DLG2: variants seen among roughly 807,000 people sequenced by gnomAD.
DLG2 encodes the protein disks large homolog 2.
Under a neutral mutation model 132.5 loss-of-function variants are expected in DLG2, and 45 were observed. The ratio of observed to expected loss-of-function variants is 0.34; its 90% confidence interval spans 0.27 to 0.44. The LOEUF (loss-of-function observed/expected upper bound fraction) is 0.44. Ranked by LOEUF, DLG2 falls within the 20% of genes least tolerant of loss-of-function variation. The pLI is 1.00. For missense variants in DLG2, 1,045 were observed against 1,196.9 expected (o/e 0.87, Z 1.87); for synonymous variants, 424 against 419.6 (o/e 1.01, Z -0.13).
chr11:85,606,770 T>C (rs1307384372), intron 2 of DLG2, among the ~76,000 whole-genome samples: 1 of 152,062 alleles, frequency 6.6e-6, no homozygotes. Context: ...AGCGAGACCA[T>C]AAACCCACCA....
intron 3 of DLG2, among the ~76,000 whole-genome samples, chr11:85,369,506 G>C (rs895102913): frequency 6.6e-6 from 1 of 151,778 alleles, no homozygotes; most frequent in Non-Finnish European, 1.5e-5. Flanking sequence ...TACTAGACCA[G>C]GCAACCCAAC....
At chr11:84,787,073 G>GA (rs745347654) in intron 6 of DLG2, among the ~76,000 whole-genome samples, 3 of 152,154 alleles carry the variant, frequency 2.0e-5, no homozygotes, top group Non-Finnish European at 4.4e-5. Flanking sequence ...CAACACAGGA[G>GA]AAACAATGAC....
chr11:85,392,979 A>G (rs527820702), intron 3 of DLG2, among the ~76,000 whole-genome samples: 1 of 152,326 alleles, frequency 6.6e-6, no homozygotes, highest in Non-Finnish European at 1.5e-5. Context: ...AGTAGATGGG[A>G]CTTAATTAAA....
At chr11:85,164,871 C>G (rs1296360214) in intron 4 of DLG2, among the ~76,000 whole-genome samples, 1 of 152,146 alleles carries the variant, frequency 6.6e-6, no homozygotes, top group Admixed American at 6.6e-5. Context: ...ATACTAAACT[C>G]CTGAGCCACT....
chr11:84,973,444 G>A lies in DLG2; in HGVS notation c.357+138217C>T, dbSNP rs561182612. 8.5e-5 allele frequency among the ~76,000 whole-genome samples: 13 copies of A among 152,160 alleles called. No individual in the cohort carries two copies. In the Middle Eastern group the frequency reaches 0.01, roughly 119 times the overall value. ...TGGAGCCCTGGCCAGCAGGTATTTC[G>A]TTGTCCAGATGCACTCATGTCTGTC... On this transcript the variant is annotated intron_variant, in intron 6 of 27. Transcript: ENST00000376104.
chr11:84,549,609 C>CA (rs776151449), intron 6 of DLG2, among the ~76,000 whole-genome samples: 10 of 152,166 alleles, frequency 6.6e-5, no homozygotes, highest in Non-Finnish European at 1.3e-4. Context: ...CTCTGAAACT[C>CA]AGACTCCTCA....
chr11:83,574,643 T>C (rs1045578925), intron 19 of DLG2, among the ~76,000 whole-genome samples: 2 of 152,182 alleles, frequency 1.3e-5, no homozygotes, highest in African/African-American at 4.8e-5. Flanking sequence ...AACCAAACTC[T>C]TGTGATTCCA....
At chr11:83,473,077 G>A (rs2092262419) in intron 22 of DLG2, among the ~76,000 whole-genome samples, 1 of 152,072 alleles carries the variant, frequency 6.6e-6, no homozygotes, top group African/African-American at 2.4e-5. Flanking sequence ...TCTACACCAA[G>A]CATTACTACT....
chr11:83,674,497 T>C (rs144584658), intron 18 of DLG2, among the ~76,000 whole-genome samples: 1 of 152,356 alleles, frequency 6.6e-6, no homozygotes, highest in East Asian at 1.9e-4. Flanking sequence ...AGTTATGCCA[T>C]AGTAATAATG....
At chr11:84,274,066 A>C (rs1354141672) in intron 7 of DLG2, among the ~76,000 whole-genome samples, 1 of 152,220 alleles carries the variant, frequency 6.6e-6, no homozygotes, top group African/African-American at 2.4e-5. Context: ...AGTAGGCTGG[A>C]ATGTGTTAAT....
intron 18 of DLG2, among the ~76,000 whole-genome samples, chr11:83,701,098 C>T (rs2082854592): frequency 6.6e-6 from 1 of 152,068 alleles, no homozygotes. Flanking sequence ...ATAAAAGGAG[C>T]AAGCAGGCAG....
At chr11:84,323,609 C>G (rs934310159) in intron 7 of DLG2, among the ~76,000 whole-genome samples, 1 of 151,926 alleles carries the variant, frequency 6.6e-6, no homozygotes, top group Admixed American at 6.6e-5. Flanking sequence ...TTTTTGGGAA[C>G]CTGCATACTG....
chr11:84,392,630 G>T (rs1174998262), intron 7 of DLG2, among the ~76,000 whole-genome samples: 2 of 152,040 alleles, frequency 1.3e-5, no homozygotes. Flanking sequence ...GTTGTTTTTG[G>T]CAGTTTACAT....
At chr11:85,021,631 T>C (rs949849276) in intron 6 of DLG2, 1 of 1,276,382 alleles carries the variant, frequency 7.8e-7, no homozygotes, top group Admixed American at 1.7e-5. Flanking sequence ...AGGATCTGTC[T>C]TGTTGGTAAC....
At chr11:84,806,815 C>G (rs1740106257) in intron 6 of DLG2, among the ~76,000 whole-genome samples, 1 of 152,006 alleles carries the variant, frequency 6.6e-6, no homozygotes, top group South Asian at 2.1e-4. Context: ...CTTGGATTTC[C>G]TACATTATAT....
chr11:83,661,467 G>A (rs12226177), intron 18 of DLG2, among the ~76,000 whole-genome samples: 58,557 of 151,958 alleles, frequency 0.39, 12,328 homozygotes, highest in African/African-American at 0.56. Context: ...ACAAATTAAC[G>A]TGTGTGGAGC....
intron 3 of DLG2, among the ~76,000 whole-genome samples, chr11:85,482,579 G>T (rs1009112666): frequency 6.6e-6 from 1 of 152,100 alleles, no homozygotes; most frequent in Non-Finnish European, 1.5e-5. Flanking sequence ...CCTAGGCCAG[G>T]TCCTAGACCT....
intron 3 of DLG2, among the ~76,000 whole-genome samples, chr11:85,396,309 A>G (rs1236638261): frequency 1.3e-5 from 2 of 152,188 alleles, no homozygotes; most frequent in Non-Finnish European, 2.9e-5. Flanking sequence ...ATATAACCAC[A>G]AACATGGGGA....
At chr11:83,571,653 A>G (rs928570289) in intron 19 of DLG2, among the ~76,000 whole-genome samples, 1 of 152,078 alleles carries the variant, frequency 6.6e-6, no homozygotes, top group East Asian at 1.9e-4. Flanking sequence ...ATTAATAAGC[A>G]CGATGATAGT....
Sources: allele counts gnomAD v4.1 joint callset (sites outside exome capture counted in the v4.1 genomes callset), GRCh38; gene constraint gnomAD v4.1.1; transcripts MANE v1.5; gene names NCBI Gene and HGNC (gene_info 2026-07-23, HGNC 2026-07-21).